The following ZNF536 variants were observed in gnomAD, a reference collection of about 807,000 sequenced individuals.
The protein encoded by ZNF536 is zinc finger protein 536.
ZNF536 carries 13 observed loss-of-function variants against 84.5 expected under a neutral mutation model. That is an observed-to-expected ratio of 0.15 (90% CI 0.10 to 0.24). ZNF536 has a LOEUF of 0.24. Ranked by LOEUF, ZNF536 falls within the 10% of genes least tolerant of loss-of-function variation. ZNF536 has a pLI of 1.00. For missense variants in ZNF536, 1,536 were observed against 1,747.5 expected, an observed-to-expected ratio of 0.88 and a Z score of 2.16; for synonymous variants, 811 against 742.5, an observed-to-expected ratio of 1.09 and a Z score of -1.50.
chr19:30,620,149 C>T (rs940359156), intron 1 of ZNF536, among the ~76,000 whole-genome samples: 1 of 151,462 alleles, frequency 6.6e-6, no homozygotes, highest in Non-Finnish European at 1.5e-5. Context: ...TCTTAAGGTA[C>T]AATAGGGAGT....
chr19:30,665,039 A>C (rs1026760111), intron 1 of ZNF536, among the ~76,000 whole-genome samples: 1 of 152,228 alleles, frequency 6.6e-6, no homozygotes, highest in Non-Finnish European at 1.5e-5. Flanking sequence ...AATTAAAAGA[A>C]AGTTTAAAAA....
At chr19:30,484,806 G>C (rs1245026336) in intron 2 of ZNF536, among the ~76,000 whole-genome samples, 1 of 151,646 alleles carries the variant, frequency 6.6e-6, no homozygotes, top group Non-Finnish European at 1.5e-5. Flanking sequence ...TTGTTATAAG[G>C]ATTAATTACT....
At chr19:30,298,346 C>T (rs1465090857) in intron 2 of ZNF536, among the ~76,000 whole-genome samples, 1 of 152,202 alleles carries the variant, frequency 6.6e-6, no homozygotes, top group African/African-American at 2.4e-5. Flanking sequence ...CAGGATGTCC[C>T]CCTGTGGCTC....
intron 2 of ZNF536, among the ~76,000 whole-genome samples, chr19:30,469,496 C>T (rs2053547134): frequency 1.3e-5 from 2 of 152,102 alleles, no homozygotes; most frequent in African/African-American, 4.8e-5. Flanking sequence ...CATTAGTTAC[C>T]AGGAAAAATC....
intron 1 of ZNF536, among the ~76,000 whole-genome samples, chr19:30,703,406 A>T (rs762883678): frequency 6.6e-6 from 1 of 152,268 alleles, no homozygotes; most frequent in East Asian, 1.9e-4. Context: ...CCCCCAGCCA[A>T]CTTAGCCCTA....
At chr19:30,326,012 G>C (rs1044764614) in intron 2 of ZNF536, among the ~76,000 whole-genome samples, 1 of 152,234 alleles carries the variant, frequency 6.6e-6, no homozygotes, top group Non-Finnish European at 1.5e-5. Context: ...TGAACTTGGG[G>C]TCATGCATGA....
chr19:30,278,288 G>C (rs1274130189), intron 1 of ZNF536, among the ~76,000 whole-genome samples: 1 of 152,188 alleles, frequency 6.6e-6, no homozygotes, highest in Admixed American at 6.5e-5. Flanking sequence ...GGCTGGGAGG[G>C]TTTGAATTGG....
intron 2 of ZNF536, among the ~76,000 whole-genome samples, chr19:30,286,614 G>C (rs1216639445): frequency 5.3e-5 from 8 of 151,618 alleles, no homozygotes; most frequent in African/African-American, 7.3e-5. Flanking sequence ...GAGAGAGACA[G>C]AGAGAGAGAG....
upstream of ZNF536, among the ~76,000 whole-genome samples, chr19:30,368,842 G>C (rs866835071): frequency 6.6e-6 from 1 of 152,198 alleles, no homozygotes; most frequent in Non-Finnish European, 1.5e-5. Flanking sequence ...CGCTTGCTTG[G>C]TGAAGGATTA....
chr19:30,399,204 A>T (rs1458652690), intron 1 of ZNF536, among the ~76,000 whole-genome samples: 1 of 152,174 alleles, frequency 6.6e-6, no homozygotes, highest in East Asian at 1.9e-4. Flanking sequence ...TGTCAGCTGC[A>T]TAAATGTCTT....
chr19:30,647,881 C>T (rs61049702), intron 1 of ZNF536, among the ~76,000 whole-genome samples: 2,843 of 152,272 alleles, frequency 0.019, 84 homozygotes, highest in African/African-American at 0.065. Context: ...CCCTGACAAC[C>T]GGTACAAGAG....
At chr19:30,434,413 G>A (rs1299412662) in intron 1 of ZNF536, among the ~76,000 whole-genome samples, 1 of 152,148 alleles carries the variant, frequency 6.6e-6, no homozygotes, top group African/African-American at 2.4e-5. Context: ...GCCCATGGCT[G>A]TGGCTTCCTT....
At chr19:30,306,124 C>CT (rs888885129) in intron 2 of ZNF536, among the ~76,000 whole-genome samples, 15 of 149,904 alleles carry the variant, frequency 1.0e-4, no homozygotes, top group African/African-American at 2.7e-4. Flanking sequence ...TTCTACACTC[C>CT]TTTTTTTTTC....
exon 2 of ZNF536, chr19:30,712,262 T>C (rs1204151291): frequency 6.6e-6 from 1 of 152,108 alleles, no homozygotes; most frequent in East Asian, 1.9e-4. Context: ...ATTAAAAAAA[T>C]GATTTAAGAA....
rs562837873 is a variant in ZNF536 at position 30,340,070 on chromosome 19, G to A, written c.-119-12298G>A. Among the ~76,000 whole-genome samples, 190 of 152,216 alleles carry A rather than the reference G, an allele frequency of 1.2e-3. 2 individuals are homozygous for A. Among genetic ancestry groups the A allele is most frequent in the African/African-American group, 4.5e-3 (185 of 41,536 alleles). On this transcript the variant is annotated intron_variant, in intron 2 of 5. Coordinates refer to the ZNF536 transcript ENST00000585628. ...GCCATCCCCTGCACCCCCTCTTCCC[G>A]CCCGTCCCAGCTCCAGGAGTGTCTG...
chr19:30,435,817 T>C (rs1481990041), intron 1 of ZNF536, among the ~76,000 whole-genome samples: 1 of 152,126 alleles, frequency 6.6e-6, no homozygotes, highest in Non-Finnish European at 1.5e-5. Flanking sequence ...TTGTTGCCAT[T>C]TTTCTTTTCC....
chr19:30,637,873 G>A (rs994719058), intron 1 of ZNF536, among the ~76,000 whole-genome samples: 1 of 152,128 alleles, frequency 6.6e-6, no homozygotes, highest in Non-Finnish European at 1.5e-5. Flanking sequence ...TTAGACAAAG[G>A]CAGCAAGGTA....
At chr19:30,416,935 C>A (rs2050756515) in intron 1 of ZNF536, among the ~76,000 whole-genome samples, 1 of 151,994 alleles carries the variant, frequency 6.6e-6, no homozygotes, top group African/African-American at 2.4e-5. Context: ...TGAGGCTGTT[C>A]TTTGGCCTAT....
At chr19:30,464,961 G>C (rs1434550436) in intron 2 of ZNF536, among the ~76,000 whole-genome samples, 1 of 152,118 alleles carries the variant, frequency 6.6e-6, no homozygotes, top group Non-Finnish European at 1.5e-5. Flanking sequence ...CTGGAGAACA[G>C]GGACTGCCTG....
Sources: gnomAD v4.1 joint callset for allele counts (sites outside exome capture counted in the v4.1 genomes callset) on GRCh38, gnomAD v4.1.1 for gene constraint, MANE v1.5 for transcripts, NCBI Gene and HGNC (gene_info 2026-07-23, HGNC 2026-07-21) for gene names.